Variants in FBXW10 observed in about 807,000 individuals in gnomAD.
FBXW10 encodes F-box and WD repeat domain containing 10, also known as F-box/WD repeat-containing protein 10.
A neutral mutation model predicts 113.1 loss-of-function variants in FBXW10; 68 were observed. That is an observed-to-expected ratio of 0.60 (90% CI 0.49 to 0.74). The LOEUF (loss-of-function observed/expected upper bound fraction) is 0.74, where lower values mean the gene tolerates loss of function less well. Among genes scored for constraint, FBXW10 ranks in the 30% least tolerant of loss-of-function variants. The pLI, the probability that FBXW10 is intolerant of heterozygous loss-of-function variation, is 0.00. For missense variants in FBXW10, 753 were observed against 1,284.5 expected (o/e 0.59, Z 6.32); for synonymous variants, 289 against 481.6 (o/e 0.60, Z 5.24).
intron 7 of FBXW10, among the ~76,000 whole-genome samples, chr17:18,760,913 T>C (rs1236129188): frequency 6.6e-6 from 1 of 152,216 alleles, no homozygotes; most frequent in East Asian, 1.9e-4. Flanking sequence ...CTATCAACAT[T>C]ACAGTTTTAT....
intron 7 of FBXW10, among the ~76,000 whole-genome samples, chr17:18,763,452 G>A (rs953055816): frequency 4.6e-5 from 7 of 151,998 alleles, no homozygotes; most frequent in Admixed American, 1.3e-4. Context: ...CACCGTGCCC[G>A]GCTGTTAAGT....
In FBXW10 at chr17:18,744,502, C is replaced by T. The variant is rs1440277058; in HGVS notation, c.258C>T (p.Ile86=). ...AGACCACACAGGGAAAGGATTTCAT[C>T]TATAACAGGTCCCGGATCAACCTCA... ...ILQTTQGKDF[I]YNRSRINLSK... is the part of the protein sequence containing the mutation. The change falls in exon 1 of 14, where the codon ATC becomes ATT. Residue 86 remains isoleucine (I), a synonymous_variant. Coordinates refer to ENST00000395665, the MANE Select transcript of FBXW10 (RefSeq NM_001267585.2). 1 of 1,613,914 alleles carries T rather than the reference C, an allele frequency of 6.2e-7. No individual in the cohort carries two copies. Among genetic ancestry groups the T allele is most frequent in the South Asian group, 1.1e-5 (1 of 91,060 alleles).
intron 6 of FBXW10, among the ~76,000 whole-genome samples, chr17:18,757,697 G>A (rs71372287): frequency 0.33 from 49,323 of 151,342 alleles, 5,891 homozygotes; most frequent in East Asian, 0.52. Flanking sequence ...TCTCAGTTTG[G>A]ACAATACATT....
intron 11 of FBXW10, among the ~76,000 whole-genome samples, chr17:18,771,872 GC>G (rs949172990): frequency 3.3e-5 from 5 of 152,138 alleles, no homozygotes; most frequent in African/African-American, 1.2e-4. Flanking sequence ...ACTTTGGGAG[GC>G]CCAGGTGGGT....
intron 11 of FBXW10, among the ~76,000 whole-genome samples, chr17:18,771,736 A>G (rs1487042091): frequency 3.3e-5 from 5 of 152,236 alleles, no homozygotes; most frequent in Non-Finnish European, 7.3e-5. Flanking sequence ...CTGAATTTCA[A>G]GACATCTGTG....
At chr17:18,768,435 T>G (rs1597601795) in intron 9 of FBXW10, 99 bp from the exon 10 acceptor site, 3 of 1,499,832 alleles carry the variant, frequency 2.0e-6, no homozygotes, top group East Asian at 4.6e-5. Context: ...AGTCACAGAT[T>G]GGTGGGGGGT....
At chr17:18,763,193 G>A (rs2035421008) in intron 7 of FBXW10, among the ~76,000 whole-genome samples, 1 of 148,380 alleles carries the variant, frequency 6.7e-6, no homozygotes, top group Non-Finnish European at 1.5e-5. Flanking sequence ...GTCTCACTCT[G>A]TCGCCCAGGC....
chr17:18,778,375 A>G (rs2035740344), intron 13 of FBXW10, 100 bp from the exon 14 acceptor site: 2 of 1,423,486 alleles, frequency 1.4e-6, no homozygotes, highest in Non-Finnish European at 1.9e-6. Context: ...CAAAGACCTC[A>G]ATGTGCTTCG....
chr17:18,760,702 G>C (rs148936383), intron 7 of FBXW10, among the ~76,000 whole-genome samples: 9,512 of 133,538 alleles, frequency 0.071, no homozygotes, highest in African/African-American at 0.18. Context: ...ACTCAGGAAG[G>C]CTGAGGCAGG....
chr17:18,768,451 T>C (rs2035546624), intron 9 of FBXW10, 83 bp from the exon 10 acceptor site: 2 of 1,562,026 alleles, frequency 1.3e-6, no homozygotes, highest in Non-Finnish European at 1.7e-6. Flanking sequence ...GGGGTGGCTT[T>C]GGGATTCATC....
At chr17:18,763,281 C>G (rs8076572) in intron 7 of FBXW10, among the ~76,000 whole-genome samples, 65,187 of 151,038 alleles carry the variant, frequency 0.43, 14,869 homozygotes, top group Non-Finnish European at 0.52. Context: ...CTCAGCCTCC[C>G]GAGTAGCTGG....
rs2035324883 is a variant in FBXW10 at position 18,758,872 on chromosome 17, A to G, written c.1433+367A>G. On this transcript the variant is annotated intron_variant, in intron 7 of 13. Transcript: ENST00000395665. ...GACTATAGAGGCAAAATAGTGCTTT[A>G]AAAACACATACGTGGCCAGGCGCGG... 2.0e-5 allele frequency among the ~76,000 whole-genome samples: 3 copies of G among 151,904 alleles called. No homozygotes were observed. The South Asian group carries it at 6.3e-4, about 32-fold the overall frequency.
At chr17:18,764,200 C>CTTTTT (rs140032131) in intron 7 of FBXW10, among the ~76,000 whole-genome samples, 9 of 116,584 alleles carry the variant, frequency 7.7e-5, no homozygotes, top group African/African-American at 2.7e-4. Flanking sequence ...TGTAAATACT[C>CTTTTT]TTTTTTTTTT....
Position 18,758,398 on chromosome 17 carries a change from G to A in FBXW10, c.1326G>A (p.Val442=), listed in dbSNP as rs1208413111. 3.1e-6 allele frequency: 5 copies of A among 1,610,582 alleles called. No individual in the cohort carries two copies. In the Admixed American group the frequency reaches 8.4e-5, roughly 27 times the overall value. ...RKIHLLDIIQ[V]KAIPVEFRGH... ...TCCATCTTCTGGACATCATACAAGT[G>A]AAAGCGATACCCGTTGAATTCCGAG... is the stretch of plus-strand genomic sequence containing the variant. The change falls in exon 7 of 14, where the codon GTG becomes GTA. Residue 442 remains valine, a synonymous_variant. Transcript: ENST00000395665.
chr17:18,768,585 C>T lies in FBXW10; in HGVS notation c.1756C>T (p.His586Tyr). The T allele has an allele frequency of 6.2e-7, 1 of 1,614,042 alleles. No individual in the cohort carries two copies. The highest frequency in any genetic ancestry group is 8.5e-7 in the Non-Finnish European group (1 of 1,179,978). Residue 586 changes from histidine (H) to tyrosine (Y), a missense_variant, in exon 10 of 14, where the codon CAT becomes TAT. Transcript: ENST00000395665. ...AVKCLFFDQWHLLSGSTDGLV... is the reference protein window; with the variant it reads ...AVKCLFFDQWYLLSGSTDGLV... ...GAAATGCCTGTTCTTTGACCAGTGG[C>T]ATCTCCTCTCAGGAAGTACTGATGG...
chr17:18,750,565 A>G (rs1438729781), intron 4 of FBXW10, among the ~76,000 whole-genome samples: 2 of 152,166 alleles, frequency 1.3e-5, no homozygotes, highest in East Asian at 3.9e-4. Context: ...AATCTTCTCC[A>G]GCATTTTTAC....
chr17:18,772,792 G>A (rs1428526032), intron 12 of FBXW10, 109 bp downstream of exon 12: 2 of 974,528 alleles, frequency 2.1e-6, no homozygotes, highest in Non-Finnish European at 3.1e-6. Flanking sequence ...GAATATTTTG[G>A]CCAGTGGTTT....
chr17:18,756,371 G>C (rs1353183294), intron 6 of FBXW10, among the ~76,000 whole-genome samples: 1 of 152,036 alleles, frequency 6.6e-6, no homozygotes, highest in African/African-American at 2.4e-5. Context: ...CTAAATTTTG[G>C]GTATGCTGAC....
intron 5 of FBXW10, among the ~76,000 whole-genome samples, chr17:18,755,223 A>G (rs751842019): frequency 4.0e-5 from 6 of 151,384 alleles, no homozygotes; most frequent in Non-Finnish European, 7.4e-5. Context: ...AGATCATGAC[A>G]TTGCACTCCA....
Sources: gnomAD v4.1 joint callset for allele counts (sites outside exome capture counted in the v4.1 genomes callset) on GRCh38, gnomAD v4.1.1 for gene constraint, MANE v1.5 for transcripts, NCBI Gene and HGNC (gene_info 2026-07-23, HGNC 2026-07-21) for gene names.